The following TEX9 variants were observed in gnomAD, a reference collection of about 807,000 sequenced individuals.
The protein encoded by TEX9 is testis expressed 9, also known as testis-expressed protein 9.
In TEX9, 74 loss-of-function variants were observed where a neutral mutation model predicts 59.6. The ratio of observed to expected loss-of-function variants is 1.24; its 90% confidence interval spans 1.03 to 1.51. The LOEUF (loss-of-function observed/expected upper bound fraction) is 1.51, where lower values mean the gene tolerates loss of function less well. TEX9 is among the 40% of genes most tolerant of loss of function. TEX9 has a pLI of 0.00. For missense variants in TEX9, 522 were observed against 447.8 expected, an observed-to-expected ratio of 1.17 and a Z score of -1.49; for synonymous variants, 186 against 152.2, an observed-to-expected ratio of 1.22 and a Z score of -1.64.
intron 9 of TEX9, among the ~76,000 whole-genome samples, chr15:56,400,865 A>T (rs139992007): frequency 6.6e-6 from 1 of 152,322 alleles, no homozygotes; most frequent in East Asian, 1.9e-4. Context: ...CTAGAATTTC[A>T]TATCTAGCCA....
At chr15:56,429,512 C>CCTTTT in intron 12 of TEX9, 1 of 187,146 alleles carries the variant, frequency 5.3e-6, no homozygotes, top group Non-Finnish European at 1.1e-5. Flanking sequence ...TGTACCCTAC[C>CCTTTT]CTTTTCTTTA....
chr15:56,350,900 A>T (rs1281648682), intron 1 of TEX9, among the ~76,000 whole-genome samples: 1 of 152,228 alleles, frequency 6.6e-6, no homozygotes, highest in East Asian at 1.9e-4. Flanking sequence ...ATGAGTGCTT[A>T]AAGAAAGGTA....
intron 9 of TEX9, chr15:56,395,527 T>A (rs1357434547): frequency 6.6e-6 from 1 of 152,160 alleles, no homozygotes; most frequent in African/African-American, 2.4e-5. Flanking sequence ...AAATCCTATG[T>A]TGACCTTTTG....
At chr15:56,384,094 A>G in intron 4 of TEX9, 63 bp downstream of exon 4, 1 of 1,310,220 alleles carries the variant, frequency 7.6e-7, no homozygotes, top group Non-Finnish European at 1.1e-6. Context: ...GTTATGTAAG[A>G]TCTTTTTTGC....
the TEX9 span, among the ~76,000 whole-genome samples, chr15:56,459,269 G>A: frequency 1.3e-5 from 2 of 152,154 alleles, no homozygotes; most frequent in Non-Finnish European, 2.9e-5. Flanking sequence ...AGGTTCATCC[G>A]TGTTGTAGCA....
intron 1 of TEX9, among the ~76,000 whole-genome samples, chr15:56,323,913 G>C (rs146557351): frequency 6.6e-6 from 1 of 152,110 alleles, no homozygotes; most frequent in Non-Finnish European, 1.5e-5. Flanking sequence ...GCTCTGTAAG[G>C]TTTGTTTTTA....
At chr15:56,305,168 C>T (rs1436560961) in intron 1 of TEX9, among the ~76,000 whole-genome samples, 15 of 152,022 alleles carry the variant, frequency 9.9e-5, no homozygotes, top group Admixed American at 2.0e-4. Flanking sequence ...GTTCATGGAT[C>T]GGAAGAGTTA....
chr15:56,310,338 A>G (rs373172375), intron 1 of TEX9, among the ~76,000 whole-genome samples: 1 of 152,206 alleles, frequency 6.6e-6, no homozygotes, highest in East Asian at 1.9e-4. Flanking sequence ...AGGCTGAGGC[A>G]TGAGAATCAC....
intron 1 of TEX9, among the ~76,000 whole-genome samples, chr15:56,318,046 A>G (rs1476256363): frequency 6.6e-6 from 1 of 152,030 alleles, no homozygotes; most frequent in East Asian, 1.9e-4. Flanking sequence ...TTTATAGTCT[A>G]TTGGTTCTAT....
intron 1 of TEX9, among the ~76,000 whole-genome samples, chr15:56,351,651 A>G (rs531908592): frequency 6.6e-6 from 1 of 152,188 alleles, no homozygotes; most frequent in Non-Finnish European, 1.5e-5. Context: ...GCTACAGGTC[A>G]TTACCCATAG....
At chr15:56,259,626 C>A (rs561450179) in intron 1 of TEX9, among the ~76,000 whole-genome samples, 1 of 152,134 alleles carries the variant, frequency 6.6e-6, no homozygotes, top group Admixed American at 6.5e-5. Context: ...TACCACACTG[C>A]ATTAAATATT....
At chr15:56,432,694 A>G (rs757786521) in intron 12 of TEX9, among the ~76,000 whole-genome samples, 1 of 152,186 alleles carries the variant, frequency 6.6e-6, no homozygotes, top group Non-Finnish European at 1.5e-5. Flanking sequence ...TTGTCTTGCT[A>G]ACTTTTCCAG....
chr15:56,317,114 C>T (rs1306011543), intron 1 of TEX9, among the ~76,000 whole-genome samples: 2 of 152,216 alleles, frequency 1.3e-5, no homozygotes, highest in Non-Finnish European at 2.9e-5. Flanking sequence ...CCGTCTTCTG[C>T]GTCGCTCACG....
chr15:56,428,504 TA>T, intron 12 of TEX9: 1 of 1,197,812 alleles, frequency 8.3e-7, no homozygotes, highest in Non-Finnish European at 1.2e-6. Flanking sequence ...TTACTTATTG[TA>T]GTGGTTTGAA....
intron 1 of TEX9, among the ~76,000 whole-genome samples, chr15:56,297,193 G>C (rs1344656650): frequency 6.6e-6 from 1 of 152,162 alleles, no homozygotes; most frequent in East Asian, 1.9e-4. Flanking sequence ...ACCAAGTGCT[G>C]CATATTGCAT....
chr15:56,375,134 G>A (rs2047374536), intron 3 of TEX9, among the ~76,000 whole-genome samples: 1 of 152,098 alleles, frequency 6.6e-6, no homozygotes. Context: ...CCCACCAACA[G>A]TGTAAAAGTG....
chr15:56,268,284 A>G (rs2044438240), intron 1 of TEX9, among the ~76,000 whole-genome samples: 1 of 152,156 alleles, frequency 6.6e-6, no homozygotes, highest in Non-Finnish European at 1.5e-5. Flanking sequence ...GGACAATTTG[A>G]CTTCCTCTTT....
In TEX9 at chr15:56,428,291, A is replaced by C. The variant is rs975624042; in HGVS notation, c.1099-76A>C. ...TATTCTGACAATATATTATCCACACATTTTTACAAACTTCCTGTTGTTTGG... is the reference window on the plus strand; with the variant it reads ...TATTCTGACAATATATTATCCACACCTTTTTACAAACTTCCTGTTGTTTGG... On this transcript the variant is annotated intron_variant, in intron 11 of 12. Transcript: ENST00000352903. The C allele has an allele frequency of 1.6e-5, 17 of 1,055,180 alleles. No homozygotes were observed. The Admixed American group carries it at 2.7e-4, about 16-fold the overall frequency. 65.4% of individuals were successfully genotyped at this position (1,055,180 alleles called of 1,614,324 possible).
At chr15:56,317,810 A>C (rs1596084950) in intron 1 of TEX9, among the ~76,000 whole-genome samples, 1 of 152,140 alleles carries the variant, frequency 6.6e-6, no homozygotes, top group Non-Finnish European at 1.5e-5. Flanking sequence ...CACATATCTG[A>C]GAATTTTCCA....
Sources: gnomAD v4.1 joint callset for allele counts (sites outside exome capture counted in the v4.1 genomes callset) on GRCh38, gnomAD v4.1.1 for gene constraint, MANE v1.5 for transcripts, NCBI Gene and HGNC (gene_info 2026-07-23, HGNC 2026-07-21) for gene names.